A1CF: variants seen among roughly 807,000 people sequenced by gnomAD.
A1CF encodes APOBEC1 complementation factor.
A1CF carries 48 observed loss-of-function variants against 68.9 expected under a neutral mutation model. The ratio of observed to expected loss-of-function variants is 0.70; its 90% CI spans 0.55 to 0.89. The LOEUF (loss-of-function observed/expected upper bound fraction) is 0.89, where lower values mean the gene tolerates loss of function less well. Ranked by LOEUF, A1CF falls within the 40% of genes least tolerant of loss-of-function variation. A1CF has a pLI of 0.00. For missense variants in A1CF, 653 were observed against 718.9 expected, an observed-to-expected ratio of 0.91 and a Z score of 1.05; for synonymous variants, 272 against 260.4, an observed-to-expected ratio of 1.04 and a Z score of -0.43.
chr10:50,883,714 G>A (rs922341792), intron 1 of A1CF, among the ~76,000 whole-genome samples: 1 of 152,150 alleles, frequency 6.6e-6, no homozygotes, highest in South Asian at 2.1e-4. Context: ...GAAACAAAAC[G>A]TTGCCTACTC....
At chr10:50,812,643 G>A (rs1564494681) in intron 10 of A1CF, among the ~76,000 whole-genome samples, 1 of 152,218 alleles carries the variant, frequency 6.6e-6, no homozygotes, top group East Asian at 1.9e-4. Flanking sequence ...AGAGAAACTG[G>A]ATGAGTGGCT....
intron 6 of A1CF, among the ~76,000 whole-genome samples, chr10:50,831,447 G>A (rs1839234620): frequency 6.6e-6 from 1 of 152,172 alleles, no homozygotes; most frequent in South Asian, 2.1e-4. Context: ...ATGGGCAAAA[G>A]GCCGGGCGTG....
In A1CF at chr10:50,832,635, T is replaced by G. The variant is rs7097731; in HGVS notation, c.604+3439A>C. Among the ~76,000 whole-genome samples, 199 of 152,266 alleles carry G rather than the reference T, an allele frequency of 1.3e-3. 1 individual carries two copies. The highest frequency in any genetic ancestry group is 4.5e-3 in the African/African-American group (188 of 41,552). On this transcript the variant is annotated intron_variant, in intron 6 of 12. Coordinates refer to ENST00000373997, the MANE Select transcript of A1CF (RefSeq NM_014576.4). ...GAGCATGAGCTAGAAGTAAGACAAG[T>G]TCAAATGTCAGAACAATCATCCTGG...
At chr10:50,819,453 TTCTC>T (rs1342826927) in intron 8 of A1CF, among the ~76,000 whole-genome samples, 4 of 152,120 alleles carry the variant, frequency 2.6e-5, no homozygotes, top group Non-Finnish European at 5.9e-5. Flanking sequence ...CTCTACACAA[TTCTC>T]TCCCCTTTCA....
chr10:50,862,577 T>A (rs1009410009), intron 2 of A1CF, among the ~76,000 whole-genome samples: 2 of 152,186 alleles, frequency 1.3e-5, no homozygotes, highest in Non-Finnish European at 1.5e-5. Context: ...AAGCATATAG[T>A]TAATGCTCTC....
chr10:50,809,923 G>GT lies in A1CF; in HGVS notation c.1579dup (p.Thr527AsnfsTer16), dbSNP rs757535622. 3.1e-6 allele frequency: 5 copies of GT among 1,614,000 alleles called. No individual in the cohort carries two copies. Among genetic ancestry groups the GT allele is most frequent in the Non-Finnish European group, 4.2e-6 (5 of 1,179,930 alleles). ...GAAAGCAGTAGCAGCAGCAGCAGCAGTAGCCATGGTGCCATCGCCTCCATC... is the reference window on the plus strand; with the variant it reads ...GAAAGCAGTAGCAGCAGCAGCAGCAGTTAGCCATGGTGCCATCGCCTCCATC... On this transcript the variant is annotated frameshift_variant, in exon 12 of 13. Coordinates refer to ENST00000373997, the MANE Select transcript of A1CF (RefSeq NM_014576.4). LOFTEE classifies it high-confidence loss of function.
chr10:50,820,783 A>G (rs1838615431), intron 7 of A1CF, 134 bp from the exon 8 acceptor site: 1 of 581,624 alleles, frequency 1.7e-6, no homozygotes, highest in Non-Finnish European at 2.9e-6. Context: ...GATCTCATCA[A>G]GAACATTCAA....
In A1CF at chr10:50,820,564, A is replaced by T; in HGVS notation, c.855T>A (p.Ala285=). The change falls in exon 8 of 13, where the codon GCT becomes GCA. Residue 285 remains alanine, a synonymous_variant. Coordinates refer to ENST00000373997, the MANE Select transcript of A1CF (RefSeq NM_014576.4). ...TCTTCTACCTTACCTTGCCATTTAAAGCTTTCATAGCCTCAACTGCATCTT... is the reference window on the plus strand; with the variant it reads ...TCTTCTACCTTACCTTGCCATTTAATGCTTTCATAGCCTCAACTGCATCTT... The part of the protein sequence containing the change: ...NREDAVEAMK[A]LNGKVLDGSP... The T allele has an allele frequency of 1.2e-6, 2 of 1,613,224 alleles. No individual in the cohort carries two copies. Among genetic ancestry groups the T allele is most frequent in the Non-Finnish European group, 1.7e-6 (2 of 1,179,640 alleles).
intron 3 of A1CF, among the ~76,000 whole-genome samples, chr10:50,858,012 T>G (rs909889583): frequency 6.6e-6 from 1 of 152,190 alleles, no homozygotes; most frequent in Admixed American, 6.5e-5. Context: ...TTTACCATTT[T>G]CTTTGCTTTT....
chr10:50,812,583 C>A (rs371247502), intron 10 of A1CF, among the ~76,000 whole-genome samples: 1 of 152,126 alleles, frequency 6.6e-6, no homozygotes, highest in Non-Finnish European at 1.5e-5. Context: ...TAAAATATTT[C>A]TAAGTATTCC....
chr10:50,835,665 C>T (rs1026899236), intron 6 of A1CF, among the ~76,000 whole-genome samples: 1 of 152,098 alleles, frequency 6.6e-6, no homozygotes, highest in Admixed American at 6.6e-5. Flanking sequence ...AGTATGTCAC[C>T]TAGTTGTCAT....
At chr10:50,871,519 A>G (rs1402919826) in intron 1 of A1CF, among the ~76,000 whole-genome samples, 1 of 152,016 alleles carries the variant, frequency 6.6e-6, no homozygotes, top group Non-Finnish European at 1.5e-5. Flanking sequence ...ACCGGGCAGG[A>G]ACAATGTGCA....
At chr10:50,827,007 A>G (rs947804086) in intron 7 of A1CF, among the ~76,000 whole-genome samples, 16 of 152,224 alleles carry the variant, frequency 1.1e-4, no homozygotes, top group Non-Finnish European at 2.1e-4. Flanking sequence ...AAGAGACTTT[A>G]AACCAACAAA....
rs7082887 is a variant in A1CF, at chr10:50,829,268, T to A, written c.605-973A>T. On this transcript the variant is annotated intron_variant, in intron 6 of 12. Coordinates refer to ENST00000373997, the MANE Select transcript of A1CF (RefSeq NM_014576.4). ...TTTGGTGACTCTGCTCCTATACCCC[T>A]ACGCAGTGCAGATCTTGTTGAAGTG... 7.6e-3 allele frequency among the ~76,000 whole-genome samples: 1,160 copies of A among 152,156 alleles called. 23 individuals carry two copies. The highest frequency in any genetic ancestry group is 0.027 in the African/African-American group (1,102 of 41,536).
At chr10:50,862,438 C>T (rs564297673) in intron 2 of A1CF, among the ~76,000 whole-genome samples, 1 of 152,192 alleles carries the variant, frequency 6.6e-6, no homozygotes, top group South Asian at 2.1e-4. Flanking sequence ...CAAGAGTTAG[C>T]TGTTTTTAGG....
intron 3 of A1CF, among the ~76,000 whole-genome samples, chr10:50,851,644 C>T (rs571742607): frequency 2.4e-4 from 36 of 152,138 alleles, no homozygotes; most frequent in African/African-American, 7.0e-4. Flanking sequence ...GTTCTGCTCT[C>T]GGGACTTAAA....
At chr10:50,827,888 T>A (rs1839040416) in intron 7 of A1CF, among the ~76,000 whole-genome samples, 1 of 151,452 alleles carries the variant, frequency 6.6e-6, no homozygotes, top group East Asian at 1.9e-4. Flanking sequence ...GATAGACCAC[T>A]AGCAAGACTA....
intron 3 of A1CF, among the ~76,000 whole-genome samples, chr10:50,855,987 G>A (rs1840460507): frequency 1.3e-5 from 2 of 151,758 alleles, no homozygotes; most frequent in South Asian, 2.1e-4. Flanking sequence ...TTGATCTTTT[G>A]TATAATCCAG....
intron 7 of A1CF, among the ~76,000 whole-genome samples, chr10:50,827,303 T>C (rs1342290826): frequency 1.3e-5 from 2 of 152,108 alleles, no homozygotes; most frequent in Admixed American, 1.3e-4. Context: ...TCTACAGAAT[T>C]CTCCACCCCA....
Sources: gnomAD v4.1 joint callset for allele counts (sites outside exome capture counted in the v4.1 genomes callset) on GRCh38, gnomAD v4.1.1 for gene constraint, MANE v1.5 for transcripts, NCBI Gene and HGNC (gene_info 2026-07-23, HGNC 2026-07-21) for gene names.